The following RBFOX3 variants were observed in gnomAD, a reference collection of about 807,000 sequenced individuals.
The protein encoded by RBFOX3 is RNA binding protein fox-1 homolog 3.
In RBFOX3, 17 loss-of-function variants were observed where a neutral mutation model predicts 48.7. That is an observed-to-expected ratio of 0.35 (90% CI 0.24 to 0.52). The LOEUF is 0.52. RBFOX3 is among the 20% of genes least tolerant of loss of function. RBFOX3 has a pLI of 0.94. For synonymous variants in RBFOX3, 212 were observed against 209.5 expected, an observed-to-expected ratio of 1.01 and a Z score of -0.10; for missense variants, 382 against 497.5, an observed-to-expected ratio of 0.77 and a Z score of 2.21.
At position 79,412,546 on chromosome 17, in the gene RBFOX3, T is replaced by C. The variant is rs568742656; in HGVS notation, c.-175+69908A>G. Among the ~76,000 whole-genome samples the C allele has an allele frequency of 3.5e-3, 533 of 151,884 alleles. 2 individuals are homozygous for C. Among genetic ancestry groups the C allele is most frequent in the African/African-American group, 0.012 (511 of 41,378 alleles). The stretch of plus-strand genomic sequence containing the variant: ...TTGTGTTGTGTATGCATGTGTTGTA[T>C]GTGATATGTGTGTGCTGTGTGGTAT... On this transcript the variant is annotated intron_variant, in intron 2 of 14. Transcript: ENST00000693108.
chr17:79,142,282 G>T (rs557024704), intron 4 of RBFOX3, among the ~76,000 whole-genome samples: 1 of 152,340 alleles, frequency 6.6e-6, no homozygotes, highest in South Asian at 2.1e-4. Context: ...CTGGGGATGG[G>T]GAGGTGGCTG....
chr17:79,275,988 T>A (rs899628423), intron 3 of RBFOX3, among the ~76,000 whole-genome samples: 1 of 152,220 alleles, frequency 6.6e-6, no homozygotes, highest in Admixed American at 6.5e-5. Flanking sequence ...CATCAAGTGA[T>A]GAAATGATCC....
At chr17:79,614,301 C>T (rs1156345108), upstream of RBFOX3, among the ~76,000 whole-genome samples, 8 of 152,362 alleles carry the variant, frequency 5.3e-5, no homozygotes, top group Non-Finnish European at 8.8e-5. Context: ...CACGGAGAGC[C>T]CCCCTTTTCC....
chr17:79,365,733 T>C (rs912195409), intron 2 of RBFOX3, among the ~76,000 whole-genome samples: 3 of 152,248 alleles, frequency 2.0e-5, no homozygotes, highest in African/African-American at 7.2e-5. Context: ...TTTTACCCCA[T>C]ATTCTATGGG....
At chr17:79,255,071 C>G (rs1008405911) in intron 3 of RBFOX3, among the ~76,000 whole-genome samples, 10 of 152,132 alleles carry the variant, frequency 6.6e-5, no homozygotes, top group Non-Finnish European at 1.0e-4. Flanking sequence ...CTTGGCCTCC[C>G]CTCCTTAGCC....
At chr17:79,259,732 G>A (rs1187801825) in intron 3 of RBFOX3, among the ~76,000 whole-genome samples, 1 of 152,132 alleles carries the variant, frequency 6.6e-6, no homozygotes, top group Non-Finnish European at 1.5e-5. Flanking sequence ...GGAGACGCAG[G>A]GACAGGCTCG....
chr17:79,367,888 T>C (rs920105630), intron 2 of RBFOX3, among the ~76,000 whole-genome samples: 1 of 152,116 alleles, frequency 6.6e-6, no homozygotes, highest in African/African-American at 2.4e-5. Context: ...TCACTATGAA[T>C]GGGTTTCTCC....
the RBFOX3 span, among the ~76,000 whole-genome samples, chr17:79,629,573 C>T: frequency 6.6e-6 from 1 of 152,154 alleles, no homozygotes; most frequent in Non-Finnish European, 1.5e-5. Flanking sequence ...TTCTGGAGGG[C>T]AGATTGGCAC....
intron 1 of RBFOX3, among the ~76,000 whole-genome samples, chr17:79,485,380 G>T (rs977464693): frequency 3.3e-5 from 5 of 152,134 alleles, no homozygotes; most frequent in African/African-American, 9.7e-5. Context: ...TTGAAGGAGA[G>T]GGGGAGGAAT....
At chr17:79,138,862 CCCCT>C (rs1297968975) in intron 4 of RBFOX3, among the ~76,000 whole-genome samples, 4 of 139,418 alleles carry the variant, frequency 2.9e-5, no homozygotes, top group Admixed American at 7.0e-5. Context: ...GCATTCACGC[CCCCT>C]CTCACCCACA....
chr17:79,330,137 G>A (rs923546423), intron 2 of RBFOX3, among the ~76,000 whole-genome samples: 10 of 152,138 alleles, frequency 6.6e-5, no homozygotes, highest in Admixed American at 2.0e-4. Flanking sequence ...GTGTGGGCGC[G>A]CGTGTACCTG....
chr17:79,157,246 G>A (rs927758246), intron 4 of RBFOX3, among the ~76,000 whole-genome samples: 5 of 152,138 alleles, frequency 3.3e-5, no homozygotes, highest in Non-Finnish European at 1.5e-5. Context: ...CTCTGCTTTT[G>A]CCCTGGCCTG....
intron 3 of RBFOX3, among the ~76,000 whole-genome samples, chr17:79,275,534 G>A (rs988535068): frequency 6.6e-6 from 1 of 152,160 alleles, no homozygotes; most frequent in Non-Finnish European, 1.5e-5. Context: ...CAGACCGCAC[G>A]CTCACTGAAG....
At chr17:79,186,002 C>G (rs1268674324) in intron 4 of RBFOX3, among the ~76,000 whole-genome samples, 1 of 152,146 alleles carries the variant, frequency 6.6e-6, no homozygotes, top group African/African-American at 2.4e-5. Context: ...TGGGGTGTGG[C>G]CAGGGAAGGT....
At chr17:79,664,148 T>C in the RBFOX3 span, among the ~76,000 whole-genome samples, 1 of 150,296 alleles carries the variant, frequency 6.7e-6, no homozygotes, top group Non-Finnish European at 1.5e-5. Context: ...TTAAGTGTGG[T>C]AAAACACAAC....
Position 79,463,276 on chromosome 17 carries a change from C to CTCCTCCACCATCGCCACTGACACA in RBFOX3, c.-175+19177_-175+19178insTGTGTCAGTGGCGATGGTGGAGGA, listed in dbSNP as rs1568294865. Reference sequence around the variant, plus strand: ...CCACCTCCACCATCGCCACTGCCACCTCCACCACCATCACCACTGACACAT... The same window carrying CTCCTCCACCATCGCCACTGACACA: ...CCACCTCCACCATCGCCACTGCCACCTCCTCCACCATCGCCACTGACACATCCACCACCATCACCACTGACACAT... On this transcript the variant is annotated intron_variant, in intron 2 of 14. Transcript: ENST00000693108. Among the ~76,000 whole-genome samples the CTCCTCCACCATCGCCACTGACACA allele has an allele frequency of 2.2e-4, 22 of 101,204 alleles. 1 individual carries two copies. The highest frequency in any genetic ancestry group is 8.0e-4 in the African/African-American group (22 of 27,462). 66.4% of individuals were successfully genotyped at this position (101,204 alleles called of 152,430 possible). A position where few individuals can be genotyped will look rare whatever the true frequency, so the allele number is the denominator to read the frequency against.
intron 4 of RBFOX3, among the ~76,000 whole-genome samples, chr17:79,119,292 C>G (rs2035049324): frequency 6.6e-6 from 1 of 152,212 alleles, no homozygotes; most frequent in Non-Finnish European, 1.5e-5. Flanking sequence ...ACATTTGTGA[C>G]ACTAGAATAA....
intron 4 of RBFOX3, among the ~76,000 whole-genome samples, chr17:79,219,007 C>G (rs1343622134): frequency 2.0e-5 from 3 of 152,224 alleles, no homozygotes; most frequent in African/African-American, 4.8e-5. Context: ...CGGCCTCAGC[C>G]TGCTCTGCGG....
At position 79,414,955 on chromosome 17, in the gene RBFOX3, C is replaced by T. The variant is rs754626795; in HGVS notation, c.-175+67499G>A. ...CAGTCCAGCTCCCGTTCCCAGAGGG[C>T]TCCTGAGCCTCTGAGGTCCCCAGCT... On this transcript the variant is annotated intron_variant, in intron 2 of 14. Coordinates refer to ENST00000693108, the MANE Select transcript of RBFOX3 (RefSeq NM_001350451.2). Among the ~76,000 whole-genome samples, 9 of 152,222 alleles carry T rather than the reference C, an allele frequency of 5.9e-5. No homozygotes were observed. In the South Asian group the frequency reaches 1.7e-3, roughly 28 times the overall value.
Sources: gnomAD v4.1 joint callset for allele counts (sites outside exome capture counted in the v4.1 genomes callset) on GRCh38, gnomAD v4.1.1 for gene constraint, MANE v1.5 for transcripts, NCBI Gene and HGNC (gene_info 2026-07-23, HGNC 2026-07-21) for gene names.